SUN1: variants seen among roughly 807,000 people sequenced by gnomAD.
SUN1 encodes Sad1 and UNC84 domain containing 1.
SUN1 carries 61 observed loss-of-function variants against 103.2 expected under a neutral mutation model. That is an observed-to-expected ratio of 0.59 (90% CI 0.48 to 0.73). The LOEUF (loss-of-function observed/expected upper bound fraction) is 0.73. Ranked by LOEUF, SUN1 falls within the 30% of genes least tolerant of loss-of-function variation. The probability of loss-of-function intolerance (pLI) is 0.00; values close to 1 mark genes in which losing one functional copy is unlikely to be tolerated. For missense variants in SUN1, 1,052 were observed against 1,034.6 expected, an observed-to-expected ratio of 1.02 and a Z score of -0.23; for synonymous variants, 490 against 425.7, an observed-to-expected ratio of 1.15 and a Z score of -1.86.
intron 2 of SUN1, among the ~76,000 whole-genome samples, chr7:840,930 T>G (rs1809074204): frequency 6.6e-6 from 1 of 151,472 alleles, no homozygotes; most frequent in South Asian, 2.1e-4. Context: ...CATGAGCCAC[T>G]GCGCCTGGCC....
chr7:858,272 C>G (rs1254865236), intron 13 of SUN1, among the ~76,000 whole-genome samples: 1 of 152,188 alleles, frequency 6.6e-6, no homozygotes, highest in African/African-American at 2.4e-5. Context: ...TCAGGCTGGT[C>G]TCAAACTCCT....
chr7:853,082 G>T, intron 9 of SUN1, 130 bp downstream of exon 9: 1 of 1,272,322 alleles, frequency 7.9e-7, no homozygotes. Flanking sequence ...TGTCAGATAA[G>T]CAAGTCTTTG....
At chr7:863,312 G>A (rs1000492509) in intron 15 of SUN1, among the ~76,000 whole-genome samples, 2 of 150,702 alleles carry the variant, frequency 1.3e-5, no homozygotes, top group African/African-American at 4.9e-5. Flanking sequence ...GCTGCCCGGC[G>A]TTCACCAGCG....
At chr7:850,291 A>C in intron 5 of SUN1, 1 of 436,886 alleles carries the variant, frequency 2.3e-6, no homozygotes, top group Non-Finnish European at 4.2e-6. Context: ...CTCCACCTCC[A>C]GAGTTCAAGC....
At chr7:872,407 C>T (rs916692917) in intron 17 of SUN1, 63 bp from the exon 18 acceptor site, 9 of 1,370,932 alleles carry the variant, frequency 6.6e-6, no homozygotes, top group South Asian at 3.8e-5. Context: ...TGGAAGGGAA[C>T]GGTCCTCTCT....
chr7:871,647 C>G (rs1196570048), intron 17 of SUN1, among the ~76,000 whole-genome samples: 5 of 152,208 alleles, frequency 3.3e-5, no homozygotes, highest in African/African-American at 1.2e-4. Context: ...CTCGGCCTCC[C>G]AAAGTGCTGG....
rs939954757 is a variant in SUN1 at position 874,611 on chromosome 7, C to T, written c.*1280C>T. ...CATACATCAAGCAGCATTTTTTTCA[C>T]TCTCCTTAGAATTGGAACTATGCAG... On this transcript the variant is annotated 3_prime_UTR_variant, in exon 19 of 19. Coordinates refer to ENST00000401592, the MANE Select transcript of SUN1 (RefSeq NM_001130965.3). The T allele has an allele frequency of 6.6e-6, 1 of 152,286 alleles. No homozygotes were observed. Among genetic ancestry groups the T allele is most frequent in the African/African-American group, 2.4e-5 (1 of 41,416 alleles). The allele number at this position is 152,286 out of a possible 1,614,324, so 9.4% of individuals were successfully genotyped here.
At chr7:857,317 A>G (rs1462411926) in intron 12 of SUN1, among the ~76,000 whole-genome samples, 1 of 152,150 alleles carries the variant, frequency 6.6e-6, no homozygotes, top group South Asian at 2.1e-4. Context: ...CTTTTATTTC[A>G]GTAAAAAAGT....
chr7:833,597 C>T (rs1799987718), intron 1 of SUN1, among the ~76,000 whole-genome samples: 1 of 152,196 alleles, frequency 6.6e-6, no homozygotes, highest in African/African-American at 2.4e-5. Flanking sequence ...AGGCGTGAGC[C>T]ACCGTGCCCG....
In SUN1 at chr7:817,289, C is replaced by G. The variant is rs1045951552; in HGVS notation, c.-74+616C>G. 6.2e-6 allele frequency: 5 copies of G among 810,690 alleles called. No individual in the cohort carries two copies. The East Asian group carries it at 1.3e-4, about 22-fold the overall frequency. 50.2% of individuals were successfully genotyped at this position (810,690 alleles called of 1,614,324 possible). A position where few individuals can be genotyped will look rare whatever the true frequency, so the allele number is the denominator to read the frequency against. On this transcript the variant is annotated intron_variant, in intron 1 of 17. Coordinates refer to the SUN1 transcript ENST00000389574. ...GTCGTATTTTTTGTAGGGTTGTGGTCTCTCCATGCTGCCCAGGTCGGACTC... is the reference window on the plus strand; with the variant it reads ...GTCGTATTTTTTGTAGGGTTGTGGTGTCTCCATGCTGCCCAGGTCGGACTC...
intron 1 of SUN1, among the ~76,000 whole-genome samples, chr7:819,709 CTTT>C (rs60712364): frequency 7.7e-6 from 1 of 130,574 alleles, no homozygotes; most frequent in Non-Finnish European, 1.6e-5. Context: ...CAATGCCACC[CTTT>C]TTTTTTTTTT....
intron 5 of SUN1, chr7:848,438 A>AT: frequency 7.3e-7 from 1 of 1,360,950 alleles, no homozygotes. Flanking sequence ...TTTCTACGTG[A>AT]ATAGGATTTT....
In SUN1 at chr7:851,830, T is replaced by G. The variant is rs1822476517; in HGVS notation, c.758-120T>G. On this transcript the variant is annotated intron_variant, in intron 6 of 18. Transcript: ENST00000401592. ...GCCGTGGCGACTAGCATCACCGAAC[T>G]TCTTCACCTCCAGCTTCATCTTCAT... 17 of 1,054,800 alleles carry G rather than the reference T, an allele frequency of 1.6e-5. No individual in the cohort carries two copies. The South Asian group carries it at 2.3e-4, about 14-fold the overall frequency. The allele number at this position is 1,054,800 out of a possible 1,614,324, so 65.3% of individuals were successfully genotyped here. A position where few individuals can be genotyped will look rare whatever the true frequency, so the allele number is the denominator to read the frequency against.
At chr7:830,920 A>C, upstream of SUN1, 8 of 984,852 alleles carry the variant, frequency 8.1e-6, no homozygotes, top group Non-Finnish European at 9.6e-6. Context: ...TGGGTTCTGC[A>C]GAAGCTGCCA....
intron 10 of SUN1, among the ~76,000 whole-genome samples, chr7:854,648 C>T (rs970563825): frequency 1.3e-5 from 2 of 152,182 alleles, no homozygotes; most frequent in African/African-American, 4.8e-5. Flanking sequence ...GAGGCCGAGG[C>T]GGGAGGGTCA....
chr7:827,176 C>A (rs1012039355), intron 1 of SUN1, among the ~76,000 whole-genome samples: 4 of 152,070 alleles, frequency 2.6e-5, no homozygotes, highest in Non-Finnish European at 5.9e-5. Context: ...CACGTGCCAC[C>A]ACGCCCGGCT....
chr7:816,710 G>C (rs1482546648), intron 1 of SUN1: 4 of 150,794 alleles, frequency 2.7e-5, no homozygotes, highest in African/African-American at 7.3e-5. Context: ...GGCACCCCGG[G>C]GCGGGCGCCG....
chr7:847,279 G>A (rs1425037193), intron 5 of SUN1, among the ~76,000 whole-genome samples: 69 of 148,026 alleles, frequency 4.7e-4, no homozygotes, highest in Middle Eastern at 3.8e-3. Flanking sequence ...ACCCCGCAGC[G>A]CCGTCTCCGG....
At chr7:866,472 C>T (rs947942294) in intron 16 of SUN1, among the ~76,000 whole-genome samples, 4 of 151,988 alleles carry the variant, frequency 2.6e-5, no homozygotes, top group Admixed American at 2.0e-4. Context: ...TGTCTGGCCT[C>T]GGCATGGGCC....
Sources: gnomAD v4.1 joint callset for allele counts (sites outside exome capture counted in the v4.1 genomes callset) on GRCh38, gnomAD v4.1.1 for gene constraint, MANE v1.5 for transcripts, NCBI Gene and HGNC (gene_info 2026-07-23, HGNC 2026-07-21) for gene names.